Variants in ACBD3 observed in about 807,000 individuals in gnomAD.
ACBD3 encodes Golgi resident protein GCP60.
ACBD3 carries 30 observed loss-of-function variants against 66.9 expected under a neutral mutation model. That is an observed-to-expected ratio of 0.45 (90% confidence interval 0.34 to 0.61). The LOEUF (loss-of-function observed/expected upper bound fraction) is 0.61, where lower values mean the gene tolerates loss of function less well. Ranked by LOEUF, ACBD3 falls within the 20% of genes least tolerant of loss-of-function variation. The pLI is 0.02. For missense variants in ACBD3, 544 were observed against 664.5 expected (o/e 0.82, Z 1.99); for synonymous variants, 278 against 259.8 (o/e 1.07, Z -0.68).
chr1:226,161,697 G>T lies in ACBD3; in HGVS notation c.570-8C>A, dbSNP rs948936802. 1.3e-6 allele frequency: 2 copies of T among 1,574,314 alleles called. No individual in the cohort carries two copies. Among genetic ancestry groups the T allele is most frequent in the Non-Finnish European group, 1.7e-6 (2 of 1,160,548 alleles). On this transcript the variant is annotated splice_polypyrimidine_tract_variant and splice_region_variant and intron_variant, in intron 3 of 7. Transcript: ENST00000366812. The stretch of plus-strand genomic sequence containing the variant: ...CGCTCCTCTTCCTCCTTCCTACAAG[G>T]CAAAGATAGAGAATGAACCCTATAC...
chr1:226,165,791 C>A, intron 2 of ACBD3, 68 bp downstream of exon 2: 1 of 1,535,170 alleles, frequency 6.5e-7, no homozygotes, highest in South Asian at 1.3e-5. Context: ...TACACCTTAA[C>A]CAATACACAT....
Position 226,161,653 on chromosome 1 carries a change from T to G in ACBD3, c.606A>C (p.Glu202Asp). ...EEEERRRREE[E>D]ERERLQKEEE... ...CCTCCTTTTGCAGACGTTCTCTTTC[T>G]TCCTCTTCACGCCGCCTTCGCTCCT... Residue 202 changes from glutamate to aspartate, a missense_variant, in exon 4 of 8, where the codon GAA becomes GAC. Around this residue, in one of 3 missense-constraint regions of ACBD3, gnomAD observed 383 missense variants for 462.4 expected, o/e 0.83. Coordinates refer to ENST00000366812, the MANE Select transcript of ACBD3 (RefSeq NM_022735.4). 6.2e-7 allele frequency: 1 copy of G among 1,611,180 alleles called. No homozygotes were observed. The highest frequency in any genetic ancestry group is 2.2e-5 in the East Asian group (1 of 44,720).
intron 6 of ACBD3, 85 bp from the exon 7 acceptor site, chr1:226,152,704 T>C (rs1391766507): frequency 1.1e-5 from 14 of 1,331,654 alleles, no homozygotes; most frequent in South Asian, 5.6e-5. Flanking sequence ...ACCTGATCAG[T>C]TGTACTCAGG....
chr1:226,184,823 G>A (rs901594660), intron 1 of ACBD3, among the ~76,000 whole-genome samples: 1 of 148,056 alleles, frequency 6.8e-6, no homozygotes, highest in African/African-American at 2.5e-5. Context: ...TTTTTTAGAC[G>A]GAGTTTTGCT....
Position 226,144,735 on chromosome 1 carries a change from C to T in ACBD3, c.*1875G>A, listed in dbSNP as rs910348916. The T allele has an allele frequency of 5.9e-5, 9 of 152,444 alleles. No individual in the cohort carries two copies. Among genetic ancestry groups the T allele is most frequent in the Non-Finnish European group, 1.2e-4 (8 of 68,016 alleles). The allele number at this position is 152,444 out of a possible 1,614,324, so 9.4% of individuals were successfully genotyped here. On this transcript the variant is annotated 3_prime_UTR_variant, in exon 8 of 8. Transcript: ENST00000366812. ...ATTACTTTCAAGATCTTTTTGAAATCGCACTTGTACTGTACTAATCAACAG... is the reference window on the plus strand; with the variant it reads ...ATTACTTTCAAGATCTTTTTGAAATTGCACTTGTACTGTACTAATCAACAG...
At position 226,146,388 on chromosome 1, in the gene ACBD3, C is replaced by A; in HGVS notation, c.*222G>T. 2.0e-6 allele frequency: 1 copy of A among 509,092 alleles called. No homozygotes were observed. The highest frequency in any genetic ancestry group is 3.5e-6 in the Non-Finnish European group (1 of 283,420). The allele number at this position is 509,092 out of a possible 1,614,324, so 31.5% of individuals were successfully genotyped here. On this transcript the variant is annotated 3_prime_UTR_variant, in exon 8 of 8. Coordinates refer to ENST00000366812, the MANE Select transcript of ACBD3 (RefSeq NM_022735.4). Reference sequence around the variant, plus strand: ...ATCCACTAGTGACTCTGCTGGTCAGCACCCAAGGGCTGGATGAGTCTGAGG... The same window carrying A: ...ATCCACTAGTGACTCTGCTGGTCAGAACCCAAGGGCTGGATGAGTCTGAGG...
At chr1:226,178,201 C>T (rs1457423226) in intron 1 of ACBD3, among the ~76,000 whole-genome samples, 1 of 152,072 alleles carries the variant, frequency 6.6e-6, no homozygotes, top group African/African-American at 2.4e-5. Flanking sequence ...TCAAATAGGA[C>T]AGCATAATTT....
intron 6 of ACBD3, 118 bp from the exon 7 acceptor site, chr1:226,152,737 CT>C: frequency 1.0e-6 from 1 of 1,004,744 alleles, no homozygotes; most frequent in Non-Finnish European, 1.5e-6. Context: ...TATGGTCTAG[CT>C]TAGATCAAGG....
chr1:226,181,452 T>C (rs1219698031), intron 1 of ACBD3, among the ~76,000 whole-genome samples: 4 of 151,946 alleles, frequency 2.6e-5, no homozygotes, highest in African/African-American at 4.8e-5. Flanking sequence ...TCCCAACATA[T>C]AATACTCTAC....
intron 1 of ACBD3, among the ~76,000 whole-genome samples, chr1:226,167,393 C>G (rs1285543760): frequency 6.6e-6 from 1 of 152,156 alleles, no homozygotes; most frequent in Non-Finnish European, 1.5e-5. Context: ...TCAGAGGTTG[C>G]TACTTCAGAG....
At position 226,145,305 on chromosome 1, in the gene ACBD3, C is replaced by T. The variant is rs1223447670; in HGVS notation, c.*1305G>A. Reference sequence around the variant, plus strand: ...CTGTATATACTGCAGTTAATGAAAACCCTCCTACAAGAAGTGATTTAGGAT... The same window carrying T: ...CTGTATATACTGCAGTTAATGAAAATCCTCCTACAAGAAGTGATTTAGGAT... On this transcript the variant is annotated 3_prime_UTR_variant, in exon 8 of 8. Transcript: ENST00000366812. The T allele has an allele frequency of 6.6e-6, 1 of 152,466 alleles. No homozygotes were observed. Among genetic ancestry groups the T allele is most frequent in the African/African-American group, 2.4e-5 (1 of 41,396 alleles). 9.4% of individuals were successfully genotyped at this position (152,466 alleles called of 1,614,324 possible). A position where few individuals can be genotyped will look rare whatever the true frequency, so the allele number is the denominator to read the frequency against.
Position 226,186,699 on chromosome 1 carries a change from C to T in ACBD3, c.-24G>A. The T allele has an allele frequency of 1.4e-6, 2 of 1,457,436 alleles. No homozygotes were observed. The highest frequency in any genetic ancestry group is 2.3e-4 in the Middle Eastern group (1 of 4,440). 90.3% of individuals were successfully genotyped at this position (1,457,436 alleles called of 1,614,324 possible). A position where few individuals can be genotyped will look rare whatever the true frequency, so the allele number is the denominator to read the frequency against. On this transcript the variant is annotated 5_prime_UTR_variant, in exon 1 of 8. Coordinates refer to ENST00000366812, the MANE Select transcript of ACBD3 (RefSeq NM_022735.4). ...ATCTCCGGCTGCTGCACCTCCTCAG[C>T]GGGGACAGACGGCAGCCACGTATCG... is the stretch of plus-strand genomic sequence containing the variant.
At chr1:226,158,318 AAATT>A (rs1259555023) in intron 5 of ACBD3, among the ~76,000 whole-genome samples, 2 of 152,208 alleles carry the variant, frequency 1.3e-5, no homozygotes, top group Non-Finnish European at 2.9e-5. Flanking sequence ...TTATAAGTGA[AAATT>A]AAGTAAGTTA....
chr1:226,172,155 C>CAAAAAAAAAAAAAAAAAAAAAA (rs779380166), intron 1 of ACBD3, among the ~76,000 whole-genome samples: 1 of 43,224 alleles, frequency 2.3e-5, no homozygotes, highest in East Asian at 1.5e-3. Flanking sequence ...AACTCCATCT[C>CAAAAAAAAAAAAAAAAAAAAAA]AAAAAAAAAA....
At position 226,144,821 on chromosome 1, in the gene ACBD3, C is replaced by T. The variant is rs994290528; in HGVS notation, c.*1789G>A. The T allele has an allele frequency of 2.0e-4, 30 of 152,494 alleles. No homozygotes were observed. The highest frequency in any genetic ancestry group is 7.0e-4 in the African/African-American group (29 of 41,398). 9.4% of individuals were successfully genotyped at this position (152,494 alleles called of 1,614,324 possible). On this transcript the variant is annotated 3_prime_UTR_variant, in exon 8 of 8. Coordinates refer to ENST00000366812, the MANE Select transcript of ACBD3 (RefSeq NM_022735.4). ...TCTGACATGAACACATGACAGGAAC[C>T]GCTGCTATGTAAAGTAACATACACT...
chr1:226,167,815 C>T (rs947082516), intron 1 of ACBD3, among the ~76,000 whole-genome samples: 1 of 152,078 alleles, frequency 6.6e-6, no homozygotes, highest in Non-Finnish European at 1.5e-5. Context: ...TGCCAATAAA[C>T]ATCCAAAAAG....
intron 1 of ACBD3, among the ~76,000 whole-genome samples, chr1:226,174,666 T>G (rs988917603): frequency 3.3e-5 from 5 of 152,084 alleles, no homozygotes; most frequent in African/African-American, 1.2e-4. Flanking sequence ...CTTGGGAGGC[T>G]GAGGCAGGAG....
At position 226,146,326 on chromosome 1, in the gene ACBD3, C is replaced by G; in HGVS notation, c.*284G>C. The stretch of plus-strand genomic sequence containing the variant: ...ACGTTGGGGTGTTTTATTTTGGAGA[C>G]TTTAAATATTTAACATGTAGCTCAT... On this transcript the variant is annotated 3_prime_UTR_variant, in exon 8 of 8. Coordinates refer to ENST00000366812, the MANE Select transcript of ACBD3 (RefSeq NM_022735.4). The G allele has an allele frequency of 3.0e-6, 1 of 329,076 alleles. No homozygotes were observed. Among genetic ancestry groups the G allele is most frequent in the Non-Finnish European group, 5.7e-6 (1 of 176,972 alleles). The allele number at this position is 329,076 out of a possible 1,614,324, so 20.4% of individuals were successfully genotyped here. A position where few individuals can be genotyped will look rare whatever the true frequency, so the allele number is the denominator to read the frequency against.
intron 1 of ACBD3, among the ~76,000 whole-genome samples, chr1:226,166,858 A>C (rs1277864130): frequency 6.6e-6 from 1 of 152,130 alleles, no homozygotes; most frequent in African/African-American, 2.4e-5. Flanking sequence ...CCCATCTGTC[A>C]AGCTGCAGTC....
Sources: gnomAD v4.1 joint callset for allele counts (sites outside exome capture counted in the v4.1 genomes callset) on GRCh38, gnomAD v4.1.1 for gene constraint, gnomAD v4.1.1 regional missense constraint, MANE v1.5 for transcripts, NCBI Gene and HGNC (gene_info 2026-07-23, HGNC 2026-07-21) for gene names.